BCKDHB: variants seen among roughly 807,000 people sequenced by gnomAD.
BCKDHB encodes the protein branched chain keto acid dehydrogenase E1 subunit beta, also known as 2-oxoisovalerate dehydrogenase subunit beta, mitochondrial.
In BCKDHB, 41 loss-of-function variants were observed where a neutral mutation model predicts 48.5. The observed-to-expected ratio is 0.85, with a 90% CI of 0.66 to 1.10. The LOEUF (loss-of-function observed/expected upper bound fraction) is 1.10. Ranked by LOEUF, BCKDHB falls within the 50% of genes least tolerant of loss-of-function variation. The pLI, the probability that BCKDHB is intolerant of heterozygous loss-of-function variation, is 0.00. For synonymous variants in BCKDHB, 201 were observed against 174.8 expected (o/e 1.15, Z -1.18); for missense variants, 496 against 494.2 (o/e 1.00, Z -0.03).
chr6:80,336,879 T>C (rs984072029), intron 9 of BCKDHB, among the ~76,000 whole-genome samples: 2 of 151,924 alleles, frequency 1.3e-5, no homozygotes, highest in African/African-American at 4.8e-5. Flanking sequence ...AGTTTGGGGG[T>C]AGGTTAGGGA....
chr6:80,134,966 G>T (rs1387975002), intron 3 of BCKDHB, among the ~76,000 whole-genome samples: 2 of 152,054 alleles, frequency 1.3e-5, no homozygotes, highest in Admixed American at 6.6e-5. Flanking sequence ...TGGCCAGGCT[G>T]GTCTCGACCT....
At position 80,205,837 on chromosome 6, in the gene BCKDHB, G is replaced by GTGTGT. The variant is rs1368120428; in HGVS notation, c.951+2625_951+2626insTGTGT. ...GTGTGTGTGTGTGTGTGTGTGTGTAGGTGGATTGGCTTAAGAGAATCAGCT... is the reference window on the plus strand; with the variant it reads ...GTGTGTGTGTGTGTGTGTGTGTGTAGTGTGTGTGGATTGGCTTAAGAGAATCAGCT... On this transcript the variant is annotated intron_variant, in intron 8 of 9. Transcript: ENST00000320393. Among the ~76,000 whole-genome samples the GTGTGT allele has an allele frequency of 5.2e-3, 477 of 91,902 alleles. 4 individuals carry two copies. The highest frequency in any genetic ancestry group is 0.02 in the African/African-American group (455 of 23,266). 60.3% of individuals were successfully genotyped at this position (91,902 alleles called of 152,430 possible). A position where few individuals can be genotyped will look rare whatever the true frequency, so the allele number is the denominator to read the frequency against.
the BCKDHB span, among the ~76,000 whole-genome samples, chr6:80,406,647 A>T: frequency 6.6e-6 from 1 of 152,190 alleles, no homozygotes; most frequent in Non-Finnish European, 1.5e-5. Flanking sequence ...GGCTGCATAA[A>T]TGTCTTCTTT....
At chr6:80,392,139 T>C in the BCKDHB span, among the ~76,000 whole-genome samples, 5 of 151,954 alleles carry the variant, frequency 3.3e-5, no homozygotes, top group African/African-American at 1.2e-4. Flanking sequence ...ACCACAGGTG[T>C]ATGCCACCAC....
chr6:80,399,316 C>T, the BCKDHB span, among the ~76,000 whole-genome samples: 4 of 151,868 alleles, frequency 2.6e-5, no homozygotes, highest in African/African-American at 7.2e-5. Context: ...TCAAACTGTC[C>T]GTTTGCAAAC....
At chr6:80,294,457 A>G (rs1035399233) in intron 9 of BCKDHB, among the ~76,000 whole-genome samples, 5 of 152,134 alleles carry the variant, frequency 3.3e-5, no homozygotes, top group Non-Finnish European at 7.4e-5. Context: ...GTTAGGTCTG[A>G]CCGCCTGTGG....
At chr6:80,124,280 T>G (rs1310811576) in intron 1 of BCKDHB, among the ~76,000 whole-genome samples, 1 of 152,212 alleles carries the variant, frequency 6.6e-6, no homozygotes, top group African/African-American at 2.4e-5. Context: ...ATTTCTGTTC[T>G]TTTACATTTG....
chr6:80,138,202 A>G (rs550289656), intron 3 of BCKDHB, among the ~76,000 whole-genome samples: 101 of 152,152 alleles, frequency 6.6e-4, no homozygotes, highest in African/African-American at 2.3e-3. Flanking sequence ...GCTTCCTAAA[A>G]CCCAGTTCTA....
the BCKDHB span, among the ~76,000 whole-genome samples, chr6:80,458,986 C>T: frequency 6.0e-3 from 910 of 152,142 alleles, 9 homozygotes; most frequent in African/African-American, 0.02. Context: ...ATAATAAGTG[C>T]TGTTGAGGAT....
At position 80,343,784 on chromosome 6, in the gene BCKDHB, C is replaced by T. The variant is rs751599203; in HGVS notation, c.1159C>T (p.Arg387Ter). Residue 387 changes from arginine (R) to a stop codon, truncating the protein, a stop_gained, in exon 10 of 10, where the codon CGA (arginine) becomes TGA (stop). Coordinates refer to ENST00000320393, the MANE Select transcript of BCKDHB (RefSeq NM_183050.4). LOFTEE classifies it high-confidence loss of function. ...PDKWKCYDAL[R>*]KMINY ...CAAATGGAAGTGTTATGATGCCCTT[C>T]GAAAAATGATCAACTATTGACCATA... The T allele has an allele frequency of 1.3e-5, 21 of 1,613,730 alleles. No homozygotes were observed. The highest frequency in any genetic ancestry group is 5.0e-5 in the Admixed American group (3 of 59,976).
the BCKDHB span, among the ~76,000 whole-genome samples, chr6:80,433,901 A>T: frequency 6.6e-6 from 1 of 151,988 alleles, no homozygotes; most frequent in South Asian, 2.1e-4. Flanking sequence ...ATATTTGGAA[A>T]TTTTTTTGGC....
chr6:80,217,873 C>T (rs532165098), intron 8 of BCKDHB, among the ~76,000 whole-genome samples: 1 of 152,190 alleles, frequency 6.6e-6, no homozygotes, highest in South Asian at 2.1e-4. Flanking sequence ...GGTTTTTAAC[C>T]AGAGTCAGGA....
At chr6:80,227,686 G>T (rs1241959779) in intron 8 of BCKDHB, among the ~76,000 whole-genome samples, 1 of 152,122 alleles carries the variant, frequency 6.6e-6, no homozygotes, top group Non-Finnish European at 1.5e-5. Context: ...TCTGTTCTTA[G>T]GTATGTGACC....
the BCKDHB span, among the ~76,000 whole-genome samples, chr6:80,449,199 C>A: frequency 6.6e-6 from 1 of 152,118 alleles, no homozygotes; most frequent in Non-Finnish European, 1.5e-5. Flanking sequence ...TTTTCCCATG[C>A]TATGTGCTGG....
intron 8 of BCKDHB, among the ~76,000 whole-genome samples, chr6:80,268,834 T>C (rs906613064): frequency 6.6e-6 from 1 of 152,116 alleles, no homozygotes; most frequent in Non-Finnish European, 1.5e-5. Flanking sequence ...GCAATCATTT[T>C]AACAGAGTAT....
At chr6:80,158,127 A>T (rs777807514) in intron 3 of BCKDHB, among the ~76,000 whole-genome samples, 2 of 152,168 alleles carry the variant, frequency 1.3e-5, no homozygotes, top group Non-Finnish European at 2.9e-5. Context: ...AGAAATTTTA[A>T]TCCAGTCACT....
intron 8 of BCKDHB, among the ~76,000 whole-genome samples, chr6:80,208,874 G>A (rs981896297): frequency 6.6e-6 from 1 of 151,702 alleles, no homozygotes; most frequent in Non-Finnish European, 1.5e-5. Flanking sequence ...TACGGAGAGT[G>A]GAATCAAAGA....
At chr6:80,306,198 A>G (rs909282854) in intron 9 of BCKDHB, among the ~76,000 whole-genome samples, 1 of 152,200 alleles carries the variant, frequency 6.6e-6, no homozygotes, top group Non-Finnish European at 1.5e-5. Context: ...CTCTTTGACA[A>G]TACTTTGCAT....
chr6:80,408,128 T>A, the BCKDHB span, among the ~76,000 whole-genome samples: 1 of 152,144 alleles, frequency 6.6e-6, no homozygotes, highest in African/African-American at 2.4e-5. Flanking sequence ...GTTTTTGTGG[T>A]TTGTTCTGTT....
Sources: gnomAD v4.1 joint callset for allele counts (sites outside exome capture counted in the v4.1 genomes callset) on GRCh38, gnomAD v4.1.1 for gene constraint, MANE v1.5 for transcripts, NCBI Gene and HGNC (gene_info 2026-07-23, HGNC 2026-07-21) for gene names.